SYP: variants seen among roughly 807,000 people sequenced by gnomAD.
The protein encoded by SYP is synaptophysin.
In SYP, 2 loss-of-function variants were observed where a neutral mutation model predicts 24.3. The observed-to-expected ratio is 0.08, with a 90% CI of 0.03 to 0.26. The LOEUF (loss-of-function observed/expected upper bound fraction) is 0.26. SYP is among the 10% of genes least tolerant of loss of function. The probability of loss-of-function intolerance (pLI) is 1.00; values close to 1 mark genes in which losing one functional copy is unlikely to be tolerated. For missense variants in SYP, 216 were observed against 266.3 expected (o/e 0.81, Z 1.32); for synonymous variants, 143 against 123.2 (o/e 1.16, Z -1.07).
At chrX:49,195,174 A>AT (rs112009357) in intron 3 of SYP, among the ~76,000 whole-genome samples, 38 of 101,690 alleles carry the variant, frequency 3.7e-4, no homozygotes, top group South Asian at 8.7e-4. Flanking sequence ...CATACCAGGT[A>AT]TTTTTTTTTT....
chrX:49,197,935 G>A (rs1358674291), intron 2 of SYP, 96 bp from the exon 3 acceptor site: 1 of 1,124,416 alleles, frequency 8.9e-7, no homozygotes, highest in African/African-American at 1.8e-5. Flanking sequence ...AGCACAGGCA[G>A]CAGCAGATGG....
intron 3 of SYP, 51 bp downstream of exon 3, chrX:49,197,664 C>A (rs1215888608): frequency 2.5e-6 from 3 of 1,190,408 alleles, no homozygotes; most frequent in Non-Finnish European, 3.4e-6. Context: ...GCCGGTTCCA[C>A]CCTGCCCCTT....
At chrX:49,197,594 C>T (rs1679244474) in intron 3 of SYP, 121 bp downstream of exon 3, 1 of 1,018,820 alleles carries the variant, frequency 9.8e-7, no homozygotes, top group African/African-American at 1.9e-5. Context: ...CTCAGTGATC[C>T]CAGTGGATGT....
chrX:49,194,284 G>A lies in SYP; in HGVS notation c.305C>T (p.Ser102Leu). ...TKVFLVGDYS[S>L]SAEFFVTVAV... Reference sequence around the variant, plus strand: ...CACGGTGACAAAGAATTCGGCTGACGAGGAGTAGTCCCCAACTAAGAAGAC... The same window carrying A: ...CACGGTGACAAAGAATTCGGCTGACAAGGAGTAGTCCCCAACTAAGAAGAC... Residue 102 changes from serine to leucine, a missense_variant, in exon 4 of 7, where the codon TCG (serine) becomes TTG (leucine). Transcript: ENST00000263233. 2 of 1,211,447 alleles carry A rather than the reference G, an allele frequency of 1.7e-6. No individual in the cohort carries two copies. The highest frequency in any genetic ancestry group is 2.2e-5 in the Admixed American group (1 of 45,977).
At chrX:49,194,991 G>A (rs1357437628) in intron 3 of SYP, among the ~76,000 whole-genome samples, 2 of 111,024 alleles carry the variant, frequency 1.8e-5, no homozygotes, top group Non-Finnish European at 1.9e-5. Flanking sequence ...ACAGGCGTGA[G>A]CCACTGCGCC....
At chrX:49,194,676 A>T in intron 3 of SYP, among the ~76,000 whole-genome samples, 1 of 99,707 alleles carries the variant, frequency 1.0e-5, no homozygotes, top group African/African-American at 3.8e-5. Flanking sequence ...TTTCCCCTAG[A>T]TAGCTTCGGG....
At chrX:49,197,493 G>A (rs1357168892) in intron 3 of SYP, 14 of 466,427 alleles carry the variant, frequency 3.0e-5, no homozygotes, top group Non-Finnish European at 4.7e-5. Flanking sequence ...TTACCCCTTC[G>A]CTGGAACAGA....
intron 2 of SYP, chrX:49,198,427 G>GTC (rs782197407): frequency 2.5e-5 from 3 of 119,609 alleles, no homozygotes; most frequent in Non-Finnish European, 3.4e-5. Context: ...TTCTCTCTGT[G>GTC]TCTCTCTCTC....
rs1286129173 is a variant in SYP at position 49,192,031 on chromosome X, CATT to C, written c.616-271_616-269del. Among the ~76,000 whole-genome samples the C allele has an allele frequency of 3.6e-5, 4 of 112,418 alleles. No individual in the cohort carries two copies. The East Asian group carries it at 1.1e-3, about 31-fold the overall frequency. On this transcript the variant is annotated intron_variant, in intron 5 of 6. Transcript: ENST00000263233. ...TTATTTACATATTTGCACATATACACATTATATACACATTTATGCATGTTTAAA... is the reference window on the plus strand; with the variant it reads ...TTATTTACATATTTGCACATATACACATATACACATTTATGCATGTTTAAA...
intron 4 of SYP, among the ~76,000 whole-genome samples, chrX:49,193,723 C>T (rs1192902847): frequency 8.9e-6 from 1 of 112,460 alleles, no homozygotes; most frequent in South Asian, 3.6e-4. Flanking sequence ...GGATGATTTC[C>T]GAATCTGTGG....
At chrX:49,192,268 C>T (rs1172280032) in intron 5 of SYP, among the ~76,000 whole-genome samples, 1 of 111,970 alleles carries the variant, frequency 8.9e-6, no homozygotes, top group African/African-American at 3.3e-5. Flanking sequence ...GATCTCGGCT[C>T]ACCACAACCT....
At chrX:49,200,034 G>C (rs1239484387) in intron 1 of SYP, 117 bp downstream of exon 1, 1 of 939,660 alleles carries the variant, frequency 1.1e-6, no homozygotes, top group East Asian at 3.6e-5. Flanking sequence ...CCAGCGCCGG[G>C]GACCGGGTCT....
chrX:49,191,276 G>A, intron 6 of SYP, 157 bp downstream of exon 6: 2 of 574,999 alleles, frequency 3.5e-6, no homozygotes, highest in Admixed American at 2.7e-5. Context: ...GCTCTTAGCA[G>A]GTAGTTCTGC....
intron 3 of SYP, chrX:49,197,457 T>C: frequency 2.4e-6 from 1 of 410,462 alleles, no homozygotes. Context: ...CTGTCTTACT[T>C]TTGTATCTTG....
intron 2 of SYP, 176 bp downstream of exon 2, chrX:49,198,792 T>C: frequency 2.0e-6 from 1 of 511,268 alleles, no homozygotes; most frequent in Non-Finnish European, 3.4e-6. Flanking sequence ...ACGTCACAGC[T>C]CATCTGTTTT....
chrX:49,191,851 G>A (rs2065510900), intron 5 of SYP, 88 bp from the exon 6 acceptor site: 1 of 1,006,304 alleles, frequency 9.9e-7, no homozygotes, highest in Non-Finnish European at 1.4e-6. Context: ...GAATGAATCC[G>A]TAGGCTCCGC....
At position 49,191,757 on chromosome X, in the gene SYP, C is replaced by T; in HGVS notation, c.622G>A (p.Gly208Ser). 1 of 1,204,970 alleles carries T rather than the reference C, an allele frequency of 8.3e-7. No homozygotes were observed. Among genetic ancestry groups the T allele is most frequent in the Non-Finnish European group, 1.1e-6 (1 of 891,923 alleles). ...TSGLNTSVVF[G>S]FLNLVLWVGN... ...ACCCAGAGCACCAGGTTCAGGAAGC[C>T]GAACACCTGCAGGGAGACAAGGCTC... Residue 208 changes from glycine (G) to serine (S), a missense_variant, in exon 6 of 7, where the codon GGC becomes AGC. Around this residue, in one of 2 missense-constraint regions of SYP, gnomAD observed 114 missense variants for 107.9 expected, o/e 1.06. Transcript: ENST00000263233.
intron 3 of SYP, among the ~76,000 whole-genome samples, chrX:49,196,758 G>A (rs782228309): frequency 8.9e-6 from 1 of 111,761 alleles, no homozygotes; most frequent in South Asian, 3.7e-4. Flanking sequence ...CATGCCAGCC[G>A]TGCTCATTCT....
chrX:49,190,271 C>T (rs1000128761), intron 6 of SYP, among the ~76,000 whole-genome samples: 1 of 108,984 alleles, frequency 9.2e-6, no homozygotes, highest in South Asian at 3.9e-4. Flanking sequence ...CCTCCGCCTC[C>T]CAGATTCAAG....
Sources: gnomAD v4.1 joint callset for allele counts (sites outside exome capture counted in the v4.1 genomes callset) on GRCh38, gnomAD v4.1.1 for gene constraint, gnomAD v4.1.1 regional missense constraint, MANE v1.5 for transcripts, NCBI Gene and HGNC (gene_info 2026-07-23, HGNC 2026-07-21) for gene names.